Variants in L3MBTL4 observed in about 807,000 individuals in gnomAD.
L3MBTL4 encodes the protein lethal(3)malignant brain tumor-like protein 4.
L3MBTL4 carries 70 observed loss-of-function variants against 84.5 expected under a neutral mutation model. The ratio of observed to expected loss-of-function variants is 0.83; its 90% CI spans 0.68 to 1.01. L3MBTL4 has a LOEUF of 1.01. Ranked by LOEUF, L3MBTL4 falls within the 50% of genes least tolerant of loss-of-function variation. The pLI is 0.00. For missense variants in L3MBTL4, 715 were observed against 754.8 expected, an observed-to-expected ratio of 0.95 and a Z score of 0.62; for synonymous variants, 274 against 259.8, an observed-to-expected ratio of 1.05 and a Z score of -0.52.
intron 10 of L3MBTL4, among the ~76,000 whole-genome samples, chr18:6,235,537 T>A (rs1431851443): frequency 1.3e-5 from 2 of 152,218 alleles, no homozygotes; most frequent in African/African-American, 4.8e-5. Flanking sequence ...ACAACTTGGA[T>A]GAACCTTGAA....
intron 16 of L3MBTL4, chr18:6,031,049 T>G: frequency 1.0e-6 from 1 of 985,422 alleles, no homozygotes; most frequent in South Asian, 4.7e-5. Flanking sequence ...GCTGGACTGC[T>G]CCATAAAACA....
intron 16 of L3MBTL4, among the ~76,000 whole-genome samples, chr18:6,027,008 G>C (rs1293368698): frequency 6.6e-6 from 1 of 152,088 alleles, no homozygotes; most frequent in Non-Finnish European, 1.5e-5. Flanking sequence ...CAGTAAAACA[G>C]CTGGTGTTTT....
rs560233633 is a variant in L3MBTL4 at position 6,245,418 on chromosome 18, T to C, written c.220-830A>G. Among the ~76,000 whole-genome samples, 6 of 152,268 alleles carry C rather than the reference T, an allele frequency of 3.9e-5. No homozygotes were observed. The East Asian group carries it at 1.2e-3, about 29-fold the overall frequency. On this transcript the variant is annotated intron_variant, in intron 5 of 18. Transcript: ENST00000317931. ...CCCTGGATAGCATCACTTTATTATA[T>C]GGATTACCTACTCTCAGTCTGTGAC...
chr18:6,397,516 C>G (rs1036566477), intron 1 of L3MBTL4: 1 of 152,076 alleles, frequency 6.6e-6, no homozygotes, highest in Non-Finnish European at 1.5e-5. Flanking sequence ...AACAACTGTT[C>G]ACAGTGTGGT....
In L3MBTL4 at chr18:6,076,947, C is replaced by T. The variant is rs532519766; in HGVS notation, c.1444+3934G>A. 1.1e-4 allele frequency among the ~76,000 whole-genome samples: 16 copies of T among 152,196 alleles called. No individual in the cohort carries two copies. In the South Asian group the frequency reaches 1.5e-3, roughly 14 times the overall value. On this transcript the variant is annotated intron_variant, in intron 16 of 18. Transcript: ENST00000317931. The stretch of plus-strand genomic sequence containing the variant: ...TGAGGGACCAAGGAGCGTCTAACGG[C>T]GACAGGACAGAGCACCTGGATGAGC...
intron 14 of L3MBTL4, among the ~76,000 whole-genome samples, chr18:6,113,701 C>T (rs541343987): frequency 2.3e-4 from 35 of 152,308 alleles, no homozygotes; most frequent in Non-Finnish European, 4.9e-4. Flanking sequence ...CCTTCCTCTA[C>T]TCCACTCCTA....
intron 16 of L3MBTL4, among the ~76,000 whole-genome samples, chr18:6,008,220 C>A (rs535219377): frequency 6.6e-6 from 1 of 152,220 alleles, no homozygotes; most frequent in Non-Finnish European, 1.5e-5. Flanking sequence ...GCACACTGAG[C>A]CCTCCTCCAC....
intron 16 of L3MBTL4, among the ~76,000 whole-genome samples, chr18:6,066,645 A>C (rs1368104985): frequency 6.6e-6 from 1 of 152,092 alleles, no homozygotes; most frequent in Non-Finnish European, 1.5e-5. Context: ...TTGTTGCTTT[A>C]AAGTCTGTTT....
At chr18:6,054,225 T>G (rs796916743) in intron 16 of L3MBTL4, among the ~76,000 whole-genome samples, 32 of 152,254 alleles carry the variant, frequency 2.1e-4, no homozygotes, top group African/African-American at 7.0e-4. Flanking sequence ...TTTTTTTTCT[T>G]GGCAAACAGA....
chr18:6,287,713 C>T (rs546550683), intron 4 of L3MBTL4, among the ~76,000 whole-genome samples: 1 of 152,310 alleles, frequency 6.6e-6, no homozygotes, highest in African/African-American at 2.4e-5. Context: ...GCTTGTGGGC[C>T]TCCTGATATC....
At chr18:6,349,775 G>A (rs1322548400) in intron 1 of L3MBTL4, among the ~76,000 whole-genome samples, 1 of 152,100 alleles carries the variant, frequency 6.6e-6, no homozygotes, top group Non-Finnish European at 1.5e-5. Flanking sequence ...TCAAGAATAT[G>A]CAAATCCAAC....
intron 10 of L3MBTL4, among the ~76,000 whole-genome samples, chr18:6,219,728 G>A (rs2046470792): frequency 6.6e-6 from 1 of 152,028 alleles, no homozygotes; most frequent in East Asian, 1.9e-4. Context: ...AATTAGGGGT[G>A]AGATGGAGTG....
chr18:6,228,180 G>A lies in L3MBTL4; in HGVS notation c.784+9784C>T, dbSNP rs78368076. On this transcript the variant is annotated intron_variant, in intron 10 of 18. Transcript: ENST00000317931. ...GGTAATTCAAAGGAGAACAAATAGC[G>A]TTTTCCACAAATGTTCCTGAAACAA... is the stretch of plus-strand genomic sequence containing the variant. Among the ~76,000 whole-genome samples, 1,262 of 152,160 alleles carry A rather than the reference G, an allele frequency of 8.3e-3. 6 individuals are homozygous for A. Among genetic ancestry groups the A allele is most frequent in the South Asian group, 0.015 (73 of 4,820 alleles).
At chr18:6,106,860 G>A (rs141282232) in intron 14 of L3MBTL4, among the ~76,000 whole-genome samples, 106 of 152,296 alleles carry the variant, frequency 7.0e-4, no homozygotes, top group African/African-American at 2.4e-3. Context: ...TCTGTAGAAT[G>A]TCCCTGTATG....
chr18:6,035,790 A>C (rs58504864), intron 16 of L3MBTL4, among the ~76,000 whole-genome samples: 1 of 152,168 alleles, frequency 6.6e-6, no homozygotes, highest in Admixed American at 6.5e-5. Context: ...AGCATGCAAA[A>C]CAGTGTGTAG....
At chr18:6,331,521 A>G (rs931165584) in intron 1 of L3MBTL4, among the ~76,000 whole-genome samples, 2 of 152,196 alleles carry the variant, frequency 1.3e-5, no homozygotes, top group Admixed American at 1.3e-4. Flanking sequence ...TAAAACTAGA[A>G]AGCCCACAAT....
chr18:5,986,036 A>G (rs190393199), intron 16 of L3MBTL4, among the ~76,000 whole-genome samples: 1 of 152,156 alleles, frequency 6.6e-6, no homozygotes, highest in Non-Finnish European at 1.5e-5. Flanking sequence ...CTGGAAATGA[A>G]AAGTGACCTG....
chr18:5,978,923 G>A lies in L3MBTL4; in HGVS notation c.1445-9361C>T, dbSNP rs1028466242. Among the ~76,000 whole-genome samples the A allele has an allele frequency of 3.9e-5, 6 of 152,282 alleles. No homozygotes were observed. The East Asian group carries it at 1.2e-3, about 29-fold the overall frequency. ...CCCACAACGGGAGGGGCAGGGGAAC[G>A]AATATAAGCTATCAGCCTTAAAATC... On this transcript the variant is annotated intron_variant, in intron 16 of 18. Transcript: ENST00000317931.
At chr18:6,192,609 G>A (rs2045169005) in intron 12 of L3MBTL4, among the ~76,000 whole-genome samples, 1 of 152,152 alleles carries the variant, frequency 6.6e-6, no homozygotes, top group African/African-American at 2.4e-5. Context: ...GAAATTTTAG[G>A]AGAGGGAAAA....
Sources: allele counts gnomAD v4.1 joint callset (sites outside exome capture counted in the v4.1 genomes callset), GRCh38; gene constraint gnomAD v4.1.1; transcripts MANE v1.5; gene names NCBI Gene and HGNC (gene_info 2026-07-23, HGNC 2026-07-21).